Variants in FIGLA observed in about 807,000 individuals in gnomAD.
FIGLA encodes the protein factor in the germline alpha.
FIGLA carries 17 observed loss-of-function variants against 21.5 expected under a neutral mutation model. The ratio of observed to expected loss-of-function variants is 0.79; its 90% CI spans 0.54 to 1.19. The LOEUF is 1.19. Among genes scored for constraint, FIGLA ranks in the 50% most tolerant of loss-of-function variants. The pLI is 0.00. For synonymous variants in FIGLA, 129 were observed against 117.6 expected, an observed-to-expected ratio of 1.10 and a Z score of -0.63; for missense variants, 282 against 285.0, an observed-to-expected ratio of 0.99 and a Z score of 0.08.
intron 2 of FIGLA, among the ~76,000 whole-genome samples, chr2:70,786,464 C>T (rs992858266): frequency 1.7e-4 from 26 of 151,980 alleles, no homozygotes; most frequent in Admixed American, 7.2e-4. Flanking sequence ...CCACCACGCC[C>T]GGCTAATTTT....
intron 4 of FIGLA, 22 bp downstream of exon 4, chr2:70,777,615 A>T: frequency 6.2e-7 from 1 of 1,601,440 alleles, no homozygotes; most frequent in Non-Finnish European, 8.5e-7. Flanking sequence ...GGCACTATGC[A>T]TCAGGTTATA....
At chr2:70,780,906 G>A (rs979639920) in intron 3 of FIGLA, among the ~76,000 whole-genome samples, 1 of 152,110 alleles carries the variant, frequency 6.6e-6, no homozygotes, top group East Asian at 1.9e-4. Context: ...TATTCACATG[G>A]GGGGTGTGGT....
intron 3 of FIGLA, among the ~76,000 whole-genome samples, chr2:70,780,400 C>T (rs1174081658): frequency 6.6e-6 from 1 of 152,216 alleles, no homozygotes; most frequent in African/African-American, 2.4e-5. Flanking sequence ...CAATGAGTCA[C>T]ATTATCTGTC....
At chr2:70,777,827 A>T (rs1245101822) in intron 3 of FIGLA, among the ~76,000 whole-genome samples, 156 bp from the exon 4 acceptor site, 1 of 152,248 alleles carries the variant, frequency 6.6e-6, no homozygotes, top group Non-Finnish European at 1.5e-5. Flanking sequence ...AATCAAGAAC[A>T]GGCACACAAT....
At chr2:70,789,632 G>A (rs551954206) in intron 1 of FIGLA, among the ~76,000 whole-genome samples, 24 of 152,236 alleles carry the variant, frequency 1.6e-4, no homozygotes, top group African/African-American at 5.3e-4. Context: ...CTGAACGTGC[G>A]CTCTGCTCCC....
chr2:70,779,175 C>A (rs782398642), intron 3 of FIGLA, among the ~76,000 whole-genome samples: 4 of 152,198 alleles, frequency 2.6e-5, no homozygotes, highest in Non-Finnish European at 5.9e-5. Context: ...ATCCCAACAC[C>A]TTACCAGGTG....
At chr2:70,782,919 T>C (rs958235150) in intron 3 of FIGLA, among the ~76,000 whole-genome samples, 2 of 151,864 alleles carry the variant, frequency 1.3e-5, no homozygotes, top group Non-Finnish European at 2.9e-5. Flanking sequence ...ATACAAAAAT[T>C]AGCTGGGTGT....
At chr2:70,790,235 A>C (rs1266101251) in intron 1 of FIGLA, among the ~76,000 whole-genome samples, 173 bp downstream of exon 1, 1 of 151,924 alleles carries the variant, frequency 6.6e-6, no homozygotes. Context: ...ACGGAGGTGC[A>C]GAAGAAGGAG....
At position 70,785,485 on chromosome 2, in the gene FIGLA, C is replaced by T. The variant is rs371010099; in HGVS notation, c.539G>A (p.Gly180Asp). The T allele has an allele frequency of 4.7e-5, 76 of 1,613,894 alleles. No individual in the cohort carries two copies. The highest frequency in any genetic ancestry group is 5.6e-5 in the Non-Finnish European group (66 of 1,179,904). The change falls in exon 3 of 5, where the codon GGT becomes GAT. Residue 180 changes from glycine (G) to aspartate (D), a missense_variant. Coordinates refer to ENST00000332372, the MANE Select transcript of FIGLA (RefSeq NM_001004311.3). ...GTGGCGACAAGCGTGTGCTGGCTCA[C>T]CACTGCCACCATCTGCCCAAGGCCC... ...EEGPWADGGS[G>D]EPAHACRHSV...
At chr2:70,785,154 G>A (rs1404985585) in intron 3 of FIGLA, among the ~76,000 whole-genome samples, 1 of 152,052 alleles carries the variant, frequency 6.6e-6, no homozygotes, top group African/African-American at 2.4e-5. Flanking sequence ...TGGTTCTGGG[G>A]TTAAATAGTT....
chr2:70,787,884 C>T, intron 1 of FIGLA, 83 bp from the exon 2 acceptor site: 3 of 1,418,914 alleles, frequency 2.1e-6, no homozygotes, highest in Non-Finnish European at 2.9e-6. Context: ...GGGTTGTTTC[C>T]ACTGCCTCCT....
chr2:70,789,020 C>A (rs782107857), intron 1 of FIGLA, among the ~76,000 whole-genome samples: 1 of 152,266 alleles, frequency 6.6e-6, no homozygotes, highest in East Asian at 1.9e-4. Flanking sequence ...AGACTGAATA[C>A]ATTATGGTCC....
At chr2:70,777,945 G>C (rs1553388564) in intron 3 of FIGLA, among the ~76,000 whole-genome samples, 1 of 152,152 alleles carries the variant, frequency 6.6e-6, no homozygotes, top group Non-Finnish European at 1.5e-5. Flanking sequence ...AGATCATTTT[G>C]TCTCTGCTCA....
rs1212496224 is a variant in FIGLA, at chr2:70,790,627, C to G, written c.12G>C (p.Ala4=). MDP[A]PGVLDPRAAP... ...CGGCGCGGGGATCTAGGACGCCGGG[C>G]GCGGGGTCCATGGCAGGGCCGAGGC... Residue 4 remains alanine, a synonymous_variant, in exon 1 of 5, where the codon GCG becomes GCC. Transcript: ENST00000332372. 7.1e-6 allele frequency: 10 copies of G among 1,414,652 alleles called. No individual in the cohort carries two copies. Among genetic ancestry groups the G allele is most frequent in the Non-Finnish European group, 9.2e-6 (10 of 1,090,724 alleles). The allele number at this position is 1,414,652 out of a possible 1,614,324, so 87.6% of individuals were successfully genotyped here.
intron 3 of FIGLA, among the ~76,000 whole-genome samples, chr2:70,784,632 A>ACCCATCTCCCTCCCTC (rs1272259941): frequency 3.9e-5 from 6 of 152,088 alleles, no homozygotes; most frequent in African/African-American, 1.4e-4. Context: ...CCTCCCTCCA[A>ACCCATCTCCCTCCCTC]CCACCATCTG....
At chr2:70,778,876 G>A (rs963174477) in intron 3 of FIGLA, among the ~76,000 whole-genome samples, 3 of 152,176 alleles carry the variant, frequency 2.0e-5, no homozygotes, top group Non-Finnish European at 2.9e-5. Context: ...AGAATTTGAC[G>A]TATTATCCAA....
intron 3 of FIGLA, among the ~76,000 whole-genome samples, chr2:70,783,801 G>A (rs1461577225): frequency 2.0e-5 from 3 of 151,350 alleles, no homozygotes; most frequent in Admixed American, 6.6e-5. Context: ...AGGTTCAAGC[G>A]ATTCTCCTGC....
intron 3 of FIGLA, among the ~76,000 whole-genome samples, chr2:70,784,697 A>G (rs1262214250): frequency 2.6e-5 from 4 of 152,170 alleles, no homozygotes; most frequent in African/African-American, 9.6e-5. Context: ...TGTTTGTTAC[A>G]GCATGCTTAC....
At chr2:70,781,422 C>A (rs1675854406) in intron 3 of FIGLA, among the ~76,000 whole-genome samples, 1 of 152,048 alleles carries the variant, frequency 6.6e-6, no homozygotes, top group Non-Finnish European at 1.5e-5. Flanking sequence ...CTTTCGCTGG[C>A]CACAGTGGGG....
Sources: allele counts gnomAD v4.1 joint callset (sites outside exome capture counted in the v4.1 genomes callset), GRCh38; gene constraint gnomAD v4.1.1; transcripts MANE v1.5; gene names NCBI Gene and HGNC (gene_info 2026-07-23, HGNC 2026-07-21).